The following CNTNAP5 variants were observed in gnomAD, a reference collection of about 807,000 sequenced individuals.
CNTNAP5 encodes the protein contactin associated protein family member 5, also known as contactin-associated protein-like 5.
CNTNAP5 carries 72 observed loss-of-function variants against 150.2 expected under a neutral mutation model. That is an observed-to-expected ratio of 0.48 (90% CI 0.40 to 0.58). The LOEUF (loss-of-function observed/expected upper bound fraction) is 0.58, where lower values mean the gene tolerates loss of function less well. Among genes scored for constraint, CNTNAP5 ranks in the 20% least tolerant of loss-of-function variants. The pLI, the probability that CNTNAP5 is intolerant of heterozygous loss-of-function variation, is 0.00. For missense variants in CNTNAP5, 1,636 were observed against 1,626.2 expected (o/e 1.01, Z -0.10); for synonymous variants, 672 against 619.8 (o/e 1.08, Z -1.25).
intron 1 of CNTNAP5, among the ~76,000 whole-genome samples, chr2:124,103,965 A>G (rs1224121547): frequency 1.4e-5 from 2 of 147,748 alleles, no homozygotes; most frequent in African/African-American, 4.9e-5. Context: ...TTATTAAAAT[A>G]TAGTTAATCA....
chr2:124,693,654 G>T (rs1258175489), intron 13 of CNTNAP5, among the ~76,000 whole-genome samples: 2 of 152,048 alleles, frequency 1.3e-5, no homozygotes, highest in African/African-American at 4.8e-5. Flanking sequence ...CTGAGACACA[G>T]ATGTACCATA....
chr2:124,769,608 G>A (rs1299424320), intron 16 of CNTNAP5, among the ~76,000 whole-genome samples: 1 of 152,186 alleles, frequency 6.6e-6, no homozygotes, highest in African/African-American at 2.4e-5. Context: ...TTTGCCTTAA[G>A]GGCCCTGTTA....
At chr2:124,119,385 T>C (rs1281008005) in intron 1 of CNTNAP5, among the ~76,000 whole-genome samples, 3 of 152,008 alleles carry the variant, frequency 2.0e-5, no homozygotes, top group Admixed American at 6.6e-5. Flanking sequence ...TTAATGCCTG[T>C]TGTATACTTG....
At chr2:124,402,755 T>C (rs551694386) in intron 3 of CNTNAP5, among the ~76,000 whole-genome samples, 1 of 152,324 alleles carries the variant, frequency 6.6e-6, no homozygotes, top group African/African-American at 2.4e-5. Flanking sequence ...ACTTATGATA[T>C]AATAGACCCT....
intron 10 of CNTNAP5, among the ~76,000 whole-genome samples, chr2:124,556,393 A>C (rs188771337): frequency 6.6e-6 from 1 of 152,308 alleles, no homozygotes; most frequent in Admixed American, 6.5e-5. Flanking sequence ...CCAAGATCAA[A>C]ATTTCCTCTT....
At chr2:124,238,041 TA>T (rs1686796835) in intron 2 of CNTNAP5, among the ~76,000 whole-genome samples, 1 of 152,076 alleles carries the variant, frequency 6.6e-6, no homozygotes, top group African/African-American at 2.4e-5. Context: ...TGAAAAAATT[TA>T]AAAAGGGCTA....
intron 18 of CNTNAP5, among the ~76,000 whole-genome samples, chr2:124,797,714 G>T (rs1276030202): frequency 4.6e-5 from 7 of 152,168 alleles, no homozygotes; most frequent in African/African-American, 1.7e-4. Context: ...GTAAGATGGT[G>T]CCAGTGTATT....
chr2:124,258,800 T>C (rs563736390), intron 3 of CNTNAP5, among the ~76,000 whole-genome samples: 2 of 152,324 alleles, frequency 1.3e-5, no homozygotes, highest in South Asian at 2.1e-4. Flanking sequence ...GTATGCATCA[T>C]TGGACCTTTG....
chr2:124,138,209 A>T (rs1235491443), intron 1 of CNTNAP5, among the ~76,000 whole-genome samples: 1 of 152,138 alleles, frequency 6.6e-6, no homozygotes, highest in Non-Finnish European at 1.5e-5. Context: ...CACTGATGAG[A>T]CACTAAGTGT....
intron 14 of CNTNAP5, among the ~76,000 whole-genome samples, chr2:124,760,795 G>A (rs1360338214): frequency 1.3e-5 from 2 of 152,040 alleles, no homozygotes; most frequent in African/African-American, 2.4e-5. Flanking sequence ...ATTTCCATAA[G>A]TATGTATTGA....
Position 124,914,667 on chromosome 2 carries a change from G to A in CNTNAP5, c.*379G>A, listed in dbSNP as rs1346311132. ...GCTTGCTTTGAACCTGAGCTCTTAG[G>A]CACATGACGGTCATTCCTGACATCC... On this transcript the variant is annotated 3_prime_UTR_variant, in exon 24 of 24. Coordinates refer to ENST00000682447, the MANE Select transcript of CNTNAP5 (RefSeq NM_001367498.1). The A allele has an allele frequency of 6.2e-6, 1 of 161,524 alleles. No individual in the cohort carries two copies. The highest frequency in any genetic ancestry group is 1.8e-4 in the East Asian group (1 of 5,592). 10.0% of individuals were successfully genotyped at this position (161,524 alleles called of 1,614,324 possible).
chr2:124,778,052 C>T (rs769356915), intron 17 of CNTNAP5, among the ~76,000 whole-genome samples: 3 of 152,122 alleles, frequency 2.0e-5, no homozygotes, highest in Non-Finnish European at 4.4e-5. Context: ...TAAAAAGAAA[C>T]TTAAGGCAGA....
chr2:124,502,065 T>C (rs1328139235), intron 7 of CNTNAP5, among the ~76,000 whole-genome samples: 3 of 152,108 alleles, frequency 2.0e-5, no homozygotes, highest in Non-Finnish European at 4.4e-5. Flanking sequence ...CGAAAGCATA[T>C]CCCAGTGCAT....
intron 12 of CNTNAP5, among the ~76,000 whole-genome samples, chr2:124,634,387 G>A (rs994070234): frequency 1.3e-5 from 2 of 152,136 alleles, no homozygotes; most frequent in Non-Finnish European, 2.9e-5. Context: ...CCCAAGAGCA[G>A]GGGCACAATG....
At chr2:124,558,798 A>G (rs1421365808) in intron 10 of CNTNAP5, among the ~76,000 whole-genome samples, 1 of 152,122 alleles carries the variant, frequency 6.6e-6, no homozygotes, top group East Asian at 1.9e-4. Context: ...CCTGAAGGAA[A>G]GCTGTGGGGG....
Position 124,563,158 on chromosome 2 carries a change from TCCCC to T in CNTNAP5, c.1650-58_1650-55del. 8 of 1,144,512 alleles carry T rather than the reference TCCCC, an allele frequency of 7.0e-6. No individual in the cohort carries two copies. In the Admixed American group the frequency reaches 8.1e-5, roughly 12 times the overall value. The allele number at this position is 1,144,512 out of a possible 1,614,324, so 70.9% of individuals were successfully genotyped here. Reference sequence around the variant, plus strand: ...AGTTGGATATGAGACATTTTTGCTTTCCCCTTTCTGCCAAATGATTTGGTTTATT... The same window carrying T: ...AGTTGGATATGAGACATTTTTGCTTTTTTCTGCCAAATGATTTGGTTTATT... On this transcript the variant is annotated intron_variant, in intron 10 of 23. Transcript: ENST00000682447.
At chr2:124,293,215 C>T (rs1259847143) in intron 3 of CNTNAP5, among the ~76,000 whole-genome samples, 1 of 151,762 alleles carries the variant, frequency 6.6e-6, no homozygotes, top group African/African-American at 2.4e-5. Context: ...TAACCCTTTC[C>T]TTACTGTAGA....
chr2:124,309,176 T>C (rs1440063706), intron 3 of CNTNAP5, among the ~76,000 whole-genome samples: 3 of 152,188 alleles, frequency 2.0e-5, no homozygotes, highest in Admixed American at 6.5e-5. Flanking sequence ...AGTTATGCAA[T>C]GTGTTCTCTC....
chr2:124,123,769 C>T (rs866906074), intron 1 of CNTNAP5, among the ~76,000 whole-genome samples: 14 of 152,282 alleles, frequency 9.2e-5, no homozygotes, highest in East Asian at 1.9e-4. Flanking sequence ...CTGCAGCCTC[C>T]GCTAGTGATA....
Sources: allele counts gnomAD v4.1 joint callset (sites outside exome capture counted in the v4.1 genomes callset), GRCh38; gene constraint gnomAD v4.1.1; transcripts MANE v1.5; gene names NCBI Gene and HGNC (gene_info 2026-07-23, HGNC 2026-07-21).